The following AGBL1 variants were observed in gnomAD, a reference collection of about 807,000 sequenced individuals.
AGBL1 encodes AGBL carboxypeptidase 1.
AGBL1 carries 130 observed loss-of-function variants against 118.9 expected under a neutral mutation model. The observed-to-expected ratio is 1.09, with a 90% CI of 0.95 to 1.26. The LOEUF (loss-of-function observed/expected upper bound fraction) is 1.26, where lower values mean the gene tolerates loss of function less well. Ranked by LOEUF, AGBL1 falls within the 50% of genes most tolerant of loss-of-function variation. The pLI, the probability that AGBL1 is intolerant of heterozygous loss-of-function variation, is 0.00. For synonymous variants in AGBL1, 555 were observed against 478.9 expected, an observed-to-expected ratio of 1.16 and a Z score of -2.08; for missense variants, 1,584 against 1,298.1, an observed-to-expected ratio of 1.22 and a Z score of -3.38.
chr15:86,769,698 C>T (rs1435106718), intron 22 of AGBL1, among the ~76,000 whole-genome samples: 1 of 151,988 alleles, frequency 6.6e-6, no homozygotes, highest in Non-Finnish European at 1.5e-5. Context: ...TGGTGACTTT[C>T]CTTGGACTTT....
In AGBL1 at chr15:86,319,612, T is replaced by C. The variant is rs141099192; in HGVS notation, c.2374+24204T>C. 4.1e-3 allele frequency among the ~76,000 whole-genome samples: 631 copies of C among 152,232 alleles called. 6 individuals carry two copies. The highest frequency in any genetic ancestry group is 0.014 in the African/African-American group (589 of 41,536). On this transcript the variant is annotated intron_variant, in intron 17 of 22. Transcript: ENST00000614907. ...ATAGACGTGGGTCTGTTTCTGTTAT[T>C]TTAGTTCTGATTTGTGTTTTATTTG...
intron 21 of AGBL1, among the ~76,000 whole-genome samples, chr15:86,670,648 G>GTATATA (rs140181221): frequency 8.4e-4 from 35 of 41,696 alleles, no homozygotes; most frequent in African/African-American, 2.7e-3. Flanking sequence ...GTGTGTGTGT[G>GTATATA]TGTATATATA....
chr15:86,964,787 C>T (rs543834599), intron 23 of AGBL1, among the ~76,000 whole-genome samples: 1 of 152,078 alleles, frequency 6.6e-6, no homozygotes, highest in African/African-American at 2.4e-5. Flanking sequence ...CCCCTACCCC[C>T]CAACCCCTGA....
intron 22 of AGBL1, among the ~76,000 whole-genome samples, chr15:86,830,640 A>C (rs746834502): frequency 6.6e-6 from 1 of 152,194 alleles, no homozygotes; most frequent in Non-Finnish European, 1.5e-5. Flanking sequence ...CCTGTCAGCA[A>C]CATACACTGG....
chr15:86,366,991 A>T lies in AGBL1; in HGVS notation c.2375-30375A>T, dbSNP rs1438020168. On this transcript the variant is annotated intron_variant, in intron 17 of 22. Transcript: ENST00000614907. ...CAGTCTATCTTCTGGGGGCGGGCCGACTTGGGTCAGCTAAAACTTTTCACC... is the reference window on the plus strand; with the variant it reads ...CAGTCTATCTTCTGGGGGCGGGCCGTCTTGGGTCAGCTAAAACTTTTCACC... 7.9e-5 allele frequency among the ~76,000 whole-genome samples: 12 copies of T among 152,120 alleles called. 1 individual carries two copies. The highest frequency in any genetic ancestry group is 1.8e-4 in the Non-Finnish European group (12 of 68,022).
At position 86,264,795 on chromosome 15, in the gene AGBL1, C is replaced by T. The variant is rs1007294128; in HGVS notation, c.1624C>T (p.Pro542Ser). 4 of 1,613,526 alleles carry T rather than the reference C, an allele frequency of 2.5e-6. No homozygotes were observed. The highest frequency in any genetic ancestry group is 2.2e-5 in the South Asian group (2 of 90,984). ...TGATGTCTGGGGACACTGTCCCCCT[C>T]CCACCACCCAGCCTATGTTGGAACG... ...FPDVWGHCPP[P>S]TTQPMLERKC... Residue 542 changes from proline (P) to serine (S), a missense_variant, in exon 11 of 23, where the codon CCC becomes TCC. Coordinates refer to ENST00000614907, the MANE Select transcript of AGBL1 (RefSeq NM_001386094.1).
At chr15:86,118,110 G>GA (rs1335663212) in intron 1 of AGBL1, among the ~76,000 whole-genome samples, 1 of 152,146 alleles carries the variant, frequency 6.6e-6, no homozygotes, top group African/African-American at 2.4e-5. Flanking sequence ...TTTCTACTCA[G>GA]AAAATCTCTC....
chr15:86,836,589 C>T (rs1205386163), intron 22 of AGBL1, among the ~76,000 whole-genome samples: 1 of 152,144 alleles, frequency 6.6e-6, no homozygotes, highest in Non-Finnish European at 1.5e-5. Context: ...TCTTCTCCTT[C>T]AAGCCATACA....
intron 16 of AGBL1, among the ~76,000 whole-genome samples, chr15:86,282,045 C>G (rs1324017950): frequency 6.6e-6 from 1 of 152,154 alleles, no homozygotes; most frequent in South Asian, 2.1e-4. Context: ...ATTGTGTACC[C>G]CTTTCAACCT....
chr15:86,431,830 G>C (rs1274472115), intron 18 of AGBL1, among the ~76,000 whole-genome samples: 1 of 152,072 alleles, frequency 6.6e-6, no homozygotes, highest in African/African-American at 2.4e-5. Flanking sequence ...GACTCCACTT[G>C]GTTGAGACTC....
At chr15:86,240,876 A>G (rs950565091) in intron 6 of AGBL1, among the ~76,000 whole-genome samples, 5 of 152,204 alleles carry the variant, frequency 3.3e-5, no homozygotes, top group African/African-American at 9.7e-5. Flanking sequence ...ATTCTTACTC[A>G]TATATGTCTT....
chr15:86,661,359 A>G (rs1171632692), intron 21 of AGBL1, among the ~76,000 whole-genome samples: 2 of 152,074 alleles, frequency 1.3e-5, no homozygotes, highest in African/African-American at 2.4e-5. Context: ...GTCACCTTCA[A>G]GAATTCAGAC....
In AGBL1 at chr15:86,649,703, G is replaced by GTTTT. The variant is rs147029398; in HGVS notation, c.2995-24565_2995-24562dup. The stretch of plus-strand genomic sequence containing the variant: ...TTTTTAATGCACAGGATTAATTTGG[G>GTTTT]TTTTTTTTCTTTTTACATAAAAACA... On this transcript the variant is annotated intron_variant, in intron 21 of 22. Coordinates refer to ENST00000614907, the MANE Select transcript of AGBL1 (RefSeq NM_001386094.1). 7.8e-3 allele frequency among the ~76,000 whole-genome samples: 1,088 copies of GTTTT among 140,254 alleles called. 19 individuals are homozygous for GTTTT. The highest frequency in any genetic ancestry group is 0.026 in the African/African-American group (999 of 38,556). The allele number at this position is 140,254 out of a possible 152,430, so 92.0% of individuals were successfully genotyped here.
Position 86,557,588 on chromosome 15 carries a change from C to G in AGBL1, c.2994+3051C>G, listed in dbSNP as rs112872648. ...CGAGCTGCATCCTTGTATTGTGGGA[C>G]CTTCCTGCAGTGCATCCTTTCTACC... On this transcript the variant is annotated intron_variant, in intron 21 of 22. Coordinates refer to ENST00000614907, the MANE Select transcript of AGBL1 (RefSeq NM_001386094.1). Among the ~76,000 whole-genome samples, 1,520 of 152,240 alleles carry G rather than the reference C, an allele frequency of 1.0e-2. 11 individuals carry two copies. The highest frequency in any genetic ancestry group is 0.016 in the Non-Finnish European group (1,097 of 68,022).
chr15:86,183,083 G>A (rs1411247347), intron 5 of AGBL1, among the ~76,000 whole-genome samples: 1 of 152,128 alleles, frequency 6.6e-6, no homozygotes, highest in Non-Finnish European at 1.5e-5. Context: ...AGATTCTTAC[G>A]TGGTTTTGAC....
chr15:86,108,016 T>A (rs1054326962), intron 1 of AGBL1, among the ~76,000 whole-genome samples: 1 of 152,192 alleles, frequency 6.6e-6, no homozygotes. Flanking sequence ...TGCTATAAAA[T>A]CTGTACACCA....
intron 22 of AGBL1, among the ~76,000 whole-genome samples, chr15:86,735,480 T>C (rs1465547748): frequency 1.3e-5 from 2 of 151,986 alleles, no homozygotes; most frequent in Admixed American, 1.3e-4. Flanking sequence ...CACACATATA[T>C]ATTGAAGATC....
rs17643616 is a variant in AGBL1 at position 86,799,923 on chromosome 15, C to T, written c.3159-107164C>T. 7.4e-3 allele frequency among the ~76,000 whole-genome samples: 1,131 copies of T among 152,190 alleles called. 8 individuals carry two copies. Among genetic ancestry groups the T allele is most frequent in the Middle Eastern group, 0.02 (6 of 294 alleles). ...GGAAAATTAAGGCTCCAGCGAAGAACTGAAAAATATCCATATAATTACCCA... is the reference window on the plus strand; with the variant it reads ...GGAAAATTAAGGCTCCAGCGAAGAATTGAAAAATATCCATATAATTACCCA... On this transcript the variant is annotated intron_variant, in intron 22 of 22. Transcript: ENST00000614907.
chr15:87,022,097 A>C (rs1050945603), intron 24 of AGBL1, among the ~76,000 whole-genome samples: 2 of 152,094 alleles, frequency 1.3e-5, no homozygotes, highest in African/African-American at 4.8e-5. Context: ...GAAAAGGGGG[A>C]GAGTACTACC....
Sources: gnomAD v4.1 joint callset for allele counts (sites outside exome capture counted in the v4.1 genomes callset) on GRCh38, gnomAD v4.1.1 for gene constraint, MANE v1.5 for transcripts, NCBI Gene and HGNC (gene_info 2026-07-23, HGNC 2026-07-21) for gene names.